Variants in PCDHA1 observed in about 807,000 individuals in gnomAD.
The protein encoded by PCDHA1 is protocadherin alpha 1.
Under a neutral mutation model 61.3 loss-of-function variants are expected in PCDHA1, and 42 were observed. The observed-to-expected ratio is 0.69, with a 90% CI of 0.54 to 0.89. PCDHA1 has a LOEUF of 0.89. Among genes scored for constraint, PCDHA1 ranks in the 40% least tolerant of loss-of-function variants. PCDHA1 has a pLI of 0.00. For missense variants in PCDHA1, 1,256 were observed against 1,235.3 expected (o/e 1.02, Z -0.25); for synonymous variants, 610 against 553.8 (o/e 1.10, Z -1.43).
At chr5:140,990,429 C>A (rs2097393514) in intron 3 of PCDHA1, among the ~76,000 whole-genome samples, 1 of 152,144 alleles carries the variant, frequency 6.6e-6, no homozygotes, top group African/African-American at 2.4e-5. Context: ...CAGCATTGAC[C>A]CAATCTTGTG....
chr5:141,003,469 A>G (rs536017033), intron 3 of PCDHA1, among the ~76,000 whole-genome samples: 53 of 152,106 alleles, frequency 3.5e-4, no homozygotes, highest in Admixed American at 2.3e-3. Flanking sequence ...GCACCACCAC[A>G]GTCTCGCTAA....
At chr5:140,885,434 T>C (rs1554182149) in intron 1 of PCDHA1, among the ~76,000 whole-genome samples, 1 of 152,158 alleles carries the variant, frequency 6.6e-6, no homozygotes, top group African/African-American at 2.4e-5. Context: ...AGTGTAAGTG[T>C]GCAATTATAT....
intron 1 of PCDHA1, chr5:140,808,862 A>G: frequency 6.2e-7 from 1 of 1,613,136 alleles, no homozygotes; most frequent in Non-Finnish European, 8.5e-7. Flanking sequence ...GCTGGACGAA[A>G]ACGACAACGC....
chr5:140,836,386 C>T, intron 1 of PCDHA1: 1 of 1,613,722 alleles, frequency 6.2e-7, no homozygotes, highest in Non-Finnish European at 8.5e-7. Context: ...GTGCTGGTGT[C>T]GCTGGTGGAA....
At chr5:140,800,536 A>C (rs1339631060) in intron 1 of PCDHA1, among the ~76,000 whole-genome samples, 3 of 152,186 alleles carry the variant, frequency 2.0e-5, no homozygotes, top group Admixed American at 2.0e-4. Flanking sequence ...ATAAATCTGA[A>C]AGGATCTGAT....
At chr5:140,917,657 G>A (rs1382905790) in intron 1 of PCDHA1, among the ~76,000 whole-genome samples, 2 of 152,156 alleles carry the variant, frequency 1.3e-5, no homozygotes, top group Admixed American at 1.3e-4. Context: ...TATTGAGTAG[G>A]AAGTCCTTTC....
chr5:140,795,037 G>A (rs9686540), intron 1 of PCDHA1: 850,398 of 1,613,662 alleles, frequency 0.53, 224,736 homozygotes, highest in Middle Eastern at 0.58. Context: ...CGCAGCCTGG[G>A]AGGTGGGGAG....
chr5:140,850,377 A>G (rs2150481518), intron 1 of PCDHA1: 3 of 1,597,876 alleles, frequency 1.9e-6, no homozygotes, highest in Middle Eastern at 1.7e-4. Context: ...GGGGCTGTAC[A>G]CGGGCGAGAT....
At chr5:140,843,834 GT>G in intron 1 of PCDHA1, 2 of 1,102,918 alleles carry the variant, frequency 1.8e-6, no homozygotes, top group Non-Finnish European at 2.6e-6. Flanking sequence ...ACATTGTTTA[GT>G]TTTTAGAAAC....
intron 1 of PCDHA1, among the ~76,000 whole-genome samples, chr5:140,913,558 G>C (rs1042223174): frequency 2.6e-5 from 4 of 151,668 alleles, no homozygotes; most frequent in African/African-American, 4.8e-5. Flanking sequence ...TTGATCTCTT[G>C]TATTTTCATC....
chr5:140,931,952 A>G (rs1159894265), intron 1 of PCDHA1, among the ~76,000 whole-genome samples: 2 of 151,970 alleles, frequency 1.3e-5, no homozygotes, highest in African/African-American at 4.8e-5. Flanking sequence ...AGTCTTACAG[A>G]ATCATGTTGA....
intron 1 of PCDHA1, chr5:140,829,438 T>A (rs782236378): frequency 2.5e-6 from 4 of 1,613,992 alleles, no homozygotes; most frequent in Non-Finnish European, 3.4e-6. Flanking sequence ...CCGACATGAA[T>A]GACAATGCTC....
intron 1 of PCDHA1, among the ~76,000 whole-genome samples, chr5:140,905,243 T>C (rs962108553): frequency 7.2e-5 from 11 of 152,184 alleles, no homozygotes; most frequent in Non-Finnish European, 1.5e-4. Context: ...CCAGTTTCAT[T>C]CTTCCACATG....
intron 1 of PCDHA1, among the ~76,000 whole-genome samples, chr5:140,953,309 G>A (rs563699783): frequency 1.3e-5 from 2 of 152,220 alleles, no homozygotes; most frequent in East Asian, 1.9e-4. Flanking sequence ...AGAGATGTGG[G>A]AAGAATTTGA....
chr5:140,786,693 G>A lies in PCDHA1; in HGVS notation c.403G>A (p.Gly135Ser). ...TAACGATAATCCACCCGTCTTCAGG[G>A]GCAGAGAACAAATAATATTTATTCC... is the stretch of plus-strand genomic sequence containing the variant. The part of the protein sequence containing the change: ...DINDNPPVFR[G>S]REQIIFIPES... The change falls in exon 1 of 4, where the codon GGC (glycine) becomes AGC (serine). Residue 135 changes from glycine (G) to serine (S), a missense_variant. Coordinates refer to ENST00000504120, the MANE Select transcript of PCDHA1 (RefSeq NM_018900.4). The A allele has an allele frequency of 6.2e-7, 1 of 1,614,206 alleles. No individual in the cohort carries two copies. Among genetic ancestry groups the A allele is most frequent in the Non-Finnish European group, 8.5e-7 (1 of 1,180,036 alleles).
intron 1 of PCDHA1, chr5:140,813,216 AT>A (rs1181674747): frequency 1.3e-5 from 2 of 152,104 alleles, no homozygotes; most frequent in Non-Finnish European, 2.9e-5. Context: ...TGAATGTTCT[AT>A]TCCTTATTGA....
chr5:140,965,857 A>G (rs1563345275), intron 1 of PCDHA1, among the ~76,000 whole-genome samples: 1 of 152,220 alleles, frequency 6.6e-6, no homozygotes, highest in South Asian at 2.1e-4. Context: ...GCACACACTG[A>G]AAATAAGGGC....
At position 141,007,395 on chromosome 5, in the gene PCDHA1, C is replaced by CA. The variant is rs35800918; in HGVS notation, c.2543-2209dup. 5.3e-3 allele frequency among the ~76,000 whole-genome samples: 498 copies of CA among 94,810 alleles called. 4 individuals carry two copies. The highest frequency in any genetic ancestry group is 0.049 in the East Asian group (166 of 3,398). 62.2% of individuals were successfully genotyped at this position (94,810 alleles called of 152,430 possible). On this transcript the variant is annotated intron_variant, in intron 3 of 3. Transcript: ENST00000504120. The stretch of plus-strand genomic sequence containing the variant: ...ATGGAACACCATCTCTACTAAAATA[C>CA]AAAAAAAAAAAAAAAAAAAAAAATT...
intron 1 of PCDHA1, among the ~76,000 whole-genome samples, chr5:140,900,615 T>C (rs1554189289): frequency 1.3e-5 from 2 of 152,336 alleles, no homozygotes; most frequent in East Asian, 3.9e-4. Context: ...GACATGTAGA[T>C]TGCTTCCAAA....
Sources: gnomAD v4.1 joint callset for allele counts (sites outside exome capture counted in the v4.1 genomes callset) on GRCh38, gnomAD v4.1.1 for gene constraint, MANE v1.5 for transcripts, NCBI Gene and HGNC (gene_info 2026-07-23, HGNC 2026-07-21) for gene names.